Variants in PLXDC2 observed in about 807,000 individuals in gnomAD.
PLXDC2 encodes plexin domain containing 2.
A neutral mutation model predicts 68.9 loss-of-function variants in PLXDC2; 40 were observed. That is an observed-to-expected ratio of 0.58 (90% CI 0.45 to 0.76). The LOEUF is 0.76. PLXDC2 is among the 30% of genes least tolerant of loss of function. The pLI is 0.00. For missense variants in PLXDC2, 644 were observed against 661.9 expected (o/e 0.97, Z 0.30); for synonymous variants, 243 against 234.2 (o/e 1.04, Z -0.34).
chr10:20,176,659 C>A (rs1213420329), intron 7 of PLXDC2, among the ~76,000 whole-genome samples: 1 of 152,064 alleles, frequency 6.6e-6, no homozygotes, highest in Non-Finnish European at 1.5e-5. Context: ...GAAATGGTAT[C>A]ATCTTACCTT....
intron 13 of PLXDC2, among the ~76,000 whole-genome samples, chr10:20,252,841 A>G (rs1835696508): frequency 6.6e-6 from 1 of 152,218 alleles, no homozygotes. Context: ...GGCAGTCACC[A>G]TAAAATATTT....
At chr10:19,958,462 C>T (rs2131600700) in intron 1 of PLXDC2, among the ~76,000 whole-genome samples, 1 of 152,240 alleles carries the variant, frequency 6.6e-6, no homozygotes, top group South Asian at 2.1e-4. Flanking sequence ...GACATCTAAA[C>T]ATGTAAATCT....
At chr10:19,994,029 T>G (rs2131631091) in intron 1 of PLXDC2, among the ~76,000 whole-genome samples, 1 of 152,264 alleles carries the variant, frequency 6.6e-6, no homozygotes, top group South Asian at 2.1e-4. Flanking sequence ...AATTGTTCTT[T>G]TTTTCATCTA....
chr10:19,972,648 GA>G (rs1472389606), intron 1 of PLXDC2, among the ~76,000 whole-genome samples: 8 of 151,996 alleles, frequency 5.3e-5, no homozygotes, highest in Admixed American at 3.3e-4. Context: ...AAAGTTGGAA[GA>G]AAAAAAATGA....
intron 6 of PLXDC2, among the ~76,000 whole-genome samples, chr10:20,148,166 T>C (rs4301699): frequency 0.9 from 137,588 of 152,118 alleles, 62,430 homozygotes; most frequent in Non-Finnish European, 0.95. Flanking sequence ...GACTAATTAT[T>C]GAGTAATTAG....
intron 2 of PLXDC2, among the ~76,000 whole-genome samples, chr10:20,018,257 A>G (rs2131653214): frequency 6.6e-6 from 1 of 152,274 alleles, no homozygotes; most frequent in South Asian, 2.1e-4. Flanking sequence ...TTTATTCCAG[A>G]TTCCAGGAGA....
intron 4 of PLXDC2, among the ~76,000 whole-genome samples, chr10:20,109,609 T>G (rs947392422): frequency 3.3e-4 from 50 of 152,208 alleles, no homozygotes; most frequent in Admixed American, 3.3e-3. Context: ...TTGTAAGCAT[T>G]AATTTTCTAT....
At chr10:20,009,740 A>C in intron 2 of PLXDC2, among the ~76,000 whole-genome samples, 1 of 149,138 alleles carries the variant, frequency 6.7e-6, no homozygotes, top group East Asian at 2.0e-4. Flanking sequence ...AGGTCATACT[A>C]GATAGCGTGT....
chr10:19,884,750 C>A (rs1177725395), intron 1 of PLXDC2, among the ~76,000 whole-genome samples: 1 of 152,226 alleles, frequency 6.6e-6, no homozygotes, highest in Non-Finnish European at 1.5e-5. Flanking sequence ...TCAAGTCTAT[C>A]GTTGTTGGAC....
intron 2 of PLXDC2, among the ~76,000 whole-genome samples, chr10:20,042,687 TACCCCTCATAAAGTCAAC>T (rs1483949337): frequency 9.2e-5 from 14 of 152,180 alleles, no homozygotes; most frequent in African/African-American, 3.4e-4. Flanking sequence ...TCATAAACAT[TACCCCTCATAAAGTCAAC>T]ACACCCATGC....
chr10:20,091,828 C>T (rs1403463677), intron 4 of PLXDC2: 6 of 152,420 alleles, frequency 3.9e-5, no homozygotes, highest in African/African-American at 2.4e-5. Flanking sequence ...TATTACCGGA[C>T]TACTCTCTCT....
chr10:20,216,620 T>A (rs1835141584), intron 10 of PLXDC2, among the ~76,000 whole-genome samples: 1 of 152,166 alleles, frequency 6.6e-6, no homozygotes, highest in Non-Finnish European at 1.5e-5. Context: ...GAACCACTCA[T>A]GTCCAGAATA....
chr10:19,856,787 A>T (rs1355780837), intron 1 of PLXDC2, among the ~76,000 whole-genome samples: 1 of 152,106 alleles, frequency 6.6e-6, no homozygotes, highest in East Asian at 1.9e-4. Flanking sequence ...CTTTTTATTT[A>T]TTTTCCATTA....
chr10:20,224,269 C>T (rs1029033326), intron 12 of PLXDC2, among the ~76,000 whole-genome samples: 7 of 152,144 alleles, frequency 4.6e-5, no homozygotes, highest in East Asian at 3.9e-4. Context: ...CCACTGCACC[C>T]GGCTGTATTT....
rs144415906 is a variant in PLXDC2 at position 19,990,038 on chromosome 10, G to A, written c.113-11737G>A. Among the ~76,000 whole-genome samples, 207 of 152,012 alleles carry A rather than the reference G, an allele frequency of 1.4e-3. 1 individual carries two copies. The highest frequency in any genetic ancestry group is 4.7e-3 in the African/African-American group (193 of 41,474). On this transcript the variant is annotated intron_variant, in intron 1 of 13. Transcript: ENST00000377252. ...GCTGGGATTACAGGTGTGAGCCACC[G>A]CACCTGGCCAGTGTTTTTAATTAGA... is the stretch of plus-strand genomic sequence containing the variant.
chr10:20,203,616 C>T (rs144435977), intron 9 of PLXDC2, among the ~76,000 whole-genome samples: 232 of 151,646 alleles, frequency 1.5e-3, no homozygotes, highest in African/African-American at 5.2e-3. Flanking sequence ...CAGCCCAATA[C>T]GAATTTTTTT....
intron 1 of PLXDC2, among the ~76,000 whole-genome samples, chr10:19,835,308 G>T (rs553391847): frequency 6.6e-6 from 1 of 152,066 alleles, no homozygotes; most frequent in African/African-American, 2.4e-5. Context: ...AGCTAGGAAG[G>T]GCAGGTCTAG....
chr10:19,824,123 TGAGAAA>T (rs1207869480), intron 1 of PLXDC2, among the ~76,000 whole-genome samples: 1 of 152,104 alleles, frequency 6.6e-6, no homozygotes, highest in East Asian at 1.9e-4. Flanking sequence ...CATGAGAAAA[TGAGAAA>T]GAGAAAGAGA....
intron 1 of PLXDC2, among the ~76,000 whole-genome samples, chr10:19,857,719 T>A (rs2131332005): frequency 6.6e-6 from 1 of 152,296 alleles, no homozygotes; most frequent in South Asian, 2.1e-4. Context: ...TGTGCTAAAA[T>A]ATATGCCTGT....
Sources: allele counts gnomAD v4.1 joint callset (sites outside exome capture counted in the v4.1 genomes callset), GRCh38; gene constraint gnomAD v4.1.1; transcripts MANE v1.5; gene names NCBI Gene and HGNC (gene_info 2026-07-23, HGNC 2026-07-21).